Variants in FAM107B observed in about 807,000 individuals in gnomAD.
FAM107B encodes the protein family with sequence similarity 107 member B.
In FAM107B, 21 loss-of-function variants were observed where a neutral mutation model predicts 31.5. The observed-to-expected ratio is 0.67, with a 90% confidence interval of 0.47 to 0.96. The LOEUF (loss-of-function observed/expected upper bound fraction) is 0.96. Among genes scored for constraint, FAM107B ranks in the 40% least tolerant of loss-of-function variants. The pLI, the probability that FAM107B is intolerant of heterozygous loss-of-function variation, is 0.00. For synonymous variants in FAM107B, 157 were observed against 141.5 expected (o/e 1.11, Z -0.78); for missense variants, 452 against 377.1 (o/e 1.20, Z -1.64).
intron 2 of FAM107B, among the ~76,000 whole-genome samples, chr10:14,534,177 G>C (rs565550838): frequency 6.6e-6 from 1 of 152,280 alleles, no homozygotes; most frequent in South Asian, 2.1e-4. Context: ...CCTTAAGCCT[G>C]TCCTCAGAAC....
At chr10:14,588,271 T>C (rs975309324) in intron 2 of FAM107B, among the ~76,000 whole-genome samples, 4 of 151,472 alleles carry the variant, frequency 2.6e-5, no homozygotes, top group African/African-American at 4.9e-5. Flanking sequence ...CCTGGTAGAG[T>C]CAGTCATCAC....
intron 2 of FAM107B, among the ~76,000 whole-genome samples, chr10:14,551,037 T>C (rs1427701085): frequency 6.6e-6 from 1 of 152,210 alleles, no homozygotes; most frequent in Non-Finnish European, 1.5e-5. Flanking sequence ...TAGGATAGTT[T>C]TACCTCCTTA....
intron 1 of FAM107B, among the ~76,000 whole-genome samples, chr10:14,685,712 G>A (rs1854967417): frequency 6.6e-6 from 1 of 152,142 alleles, no homozygotes; most frequent in Non-Finnish European, 1.5e-5. Flanking sequence ...TGGAGCGTTT[G>A]TAAGAATCCT....
intron 1 of FAM107B, among the ~76,000 whole-genome samples, chr10:14,734,147 G>A (rs1188673744): frequency 6.6e-6 from 1 of 152,136 alleles, no homozygotes; most frequent in East Asian, 1.9e-4. Flanking sequence ...AATTTGTAAT[G>A]AGATTACAAT....
intron 2 of FAM107B, chr10:14,571,971 A>T (rs550906491): frequency 2.0e-6 from 2 of 985,452 alleles, no homozygotes; most frequent in African/African-American, 3.5e-5. Flanking sequence ...GCAAATAAAA[A>T]GATCGCAGTA....
intron 2 of FAM107B, among the ~76,000 whole-genome samples, chr10:14,533,686 C>G (rs1408961860): frequency 6.6e-6 from 1 of 152,228 alleles, no homozygotes; most frequent in Non-Finnish European, 1.5e-5. Flanking sequence ...TCCTGGACGT[C>G]AGTGTTGAGG....
intron 2 of FAM107B, among the ~76,000 whole-genome samples, chr10:14,623,780 C>T (rs561351305): frequency 6.6e-6 from 1 of 152,268 alleles, no homozygotes; most frequent in South Asian, 2.1e-4. Flanking sequence ...GAGCTGAGAT[C>T]GCCCACTGCA....
chr10:14,535,919 T>C (rs1402139854), intron 2 of FAM107B, among the ~76,000 whole-genome samples: 1 of 152,208 alleles, frequency 6.6e-6, no homozygotes, highest in Non-Finnish European at 1.5e-5. Flanking sequence ...GTCCTTGCTT[T>C]TCATGTTTTT....
At chr10:14,522,502 G>A (rs1423340829) in intron 3 of FAM107B, among the ~76,000 whole-genome samples, 3 of 150,916 alleles carry the variant, frequency 2.0e-5, no homozygotes, top group African/African-American at 7.3e-5. Flanking sequence ...TGCAACCTCC[G>A]CCTCCCAGGT....
intron 1 of FAM107B, among the ~76,000 whole-genome samples, chr10:14,680,573 C>CAAAAAAA (rs35826993): frequency 2.2e-5 from 3 of 133,994 alleles, no homozygotes; most frequent in African/African-American, 8.5e-5. Context: ...GACTCTGTCT[C>CAAAAAAA]AAAAAAAAAA....
chr10:14,769,717 A>G (rs1166019954), intron 1 of FAM107B, among the ~76,000 whole-genome samples: 1 of 152,088 alleles, frequency 6.6e-6, no homozygotes, highest in African/African-American at 2.4e-5. Flanking sequence ...AACCCCAGAA[A>G]TGATTTCCCA....
At chr10:14,581,293 G>T (rs1851627884) in intron 2 of FAM107B, among the ~76,000 whole-genome samples, 1 of 152,210 alleles carries the variant, frequency 6.6e-6, no homozygotes, top group East Asian at 1.9e-4. Context: ...AAACACAGAG[G>T]CCCTGGGCAA....
chr10:14,767,055 T>TATATATATATAGAGAGAGAG (rs1440609298), intron 1 of FAM107B, among the ~76,000 whole-genome samples: 1 of 18,280 alleles, frequency 5.5e-5, no homozygotes, highest in Non-Finnish European at 1.1e-4. Context: ...TATATATATA[T>TATATATATATAGAGAGAGAG]AGAGAGAGAG....
chr10:14,688,629 C>A (rs1855047777), intron 1 of FAM107B, among the ~76,000 whole-genome samples: 1 of 152,200 alleles, frequency 6.6e-6, no homozygotes, highest in South Asian at 2.1e-4. Context: ...TTTAGTGTCT[C>A]TTTTGTCAGA....
intron 2 of FAM107B, among the ~76,000 whole-genome samples, chr10:14,571,576 C>A (rs1479107687): frequency 6.6e-6 from 1 of 152,166 alleles, no homozygotes; most frequent in Non-Finnish European, 1.5e-5. Flanking sequence ...CAAGACACAG[C>A]CTATTACAAA....
At chr10:14,729,207 C>T (rs907990768) in intron 1 of FAM107B, among the ~76,000 whole-genome samples, 1 of 151,900 alleles carries the variant, frequency 6.6e-6, no homozygotes, top group Non-Finnish European at 1.5e-5. Flanking sequence ...GTTTGTTGCC[C>T]AGGCTGATTT....
chr10:14,699,422 G>A lies in FAM107B; in HGVS notation c.412-31731C>T, dbSNP rs536296910. Among the ~76,000 whole-genome samples the A allele has an allele frequency of 3.9e-5, 6 of 152,302 alleles. No individual in the cohort carries two copies. The South Asian group carries it at 1.2e-3, about 32-fold the overall frequency. On this transcript the variant is annotated intron_variant, in intron 1 of 4. Coordinates refer to ENST00000181796, the MANE Select transcript of FAM107B (RefSeq NM_031453.4). ...AGTCCCAGGGAACGAGAACCAGGGAGCCGATGGTGTAAGTCCGGGTCCAAG... is the reference window on the plus strand; with the variant it reads ...AGTCCCAGGGAACGAGAACCAGGGAACCGATGGTGTAAGTCCGGGTCCAAG...
At chr10:14,548,120 C>T (rs1187048827) in intron 2 of FAM107B, among the ~76,000 whole-genome samples, 3 of 152,220 alleles carry the variant, frequency 2.0e-5, no homozygotes, top group Admixed American at 6.5e-5. Context: ...GGACCCACAG[C>T]GCTCGCTGGT....
At chr10:14,572,116 T>A (rs1432471213) in intron 2 of FAM107B, 2 of 985,152 alleles carry the variant, frequency 2.0e-6, no homozygotes, top group African/African-American at 3.5e-5. Context: ...AGAGAAACAC[T>A]CTAGCAACTT....
Sources: allele counts gnomAD v4.1 joint callset (sites outside exome capture counted in the v4.1 genomes callset), GRCh38; gene constraint gnomAD v4.1.1; transcripts MANE v1.5; gene names NCBI Gene and HGNC (gene_info 2026-07-23, HGNC 2026-07-21).